The following FGF14 variants were observed in gnomAD, a reference collection of about 807,000 sequenced individuals.
FGF14 encodes the protein fibroblast growth factor homologous factor 4.
In FGF14, 5 loss-of-function variants were observed where a neutral mutation model predicts 25.5. The observed-to-expected ratio is 0.20, with a 90% CI of 0.10 to 0.41. The LOEUF (loss-of-function observed/expected upper bound fraction) is 0.41. Among genes scored for constraint, FGF14 ranks in the 10% least tolerant of loss-of-function variants. The pLI is 1.00. For synonymous variants in FGF14, 138 were observed against 118.3 expected (o/e 1.17, Z -1.08); for missense variants, 222 against 320.1 (o/e 0.69, Z 2.34).
intron 1 of FGF14, among the ~76,000 whole-genome samples, chr13:101,906,831 G>A (rs2032307451): frequency 6.6e-6 from 1 of 152,026 alleles, no homozygotes; most frequent in African/African-American, 2.4e-5. Context: ...CTGTGTAATA[G>A]GTAGGTAAAG....
intron 3 of FGF14, among the ~76,000 whole-genome samples, chr13:101,803,765 T>C (rs1231537706): frequency 1.3e-5 from 2 of 152,134 alleles, no homozygotes; most frequent in African/African-American, 2.4e-5. Flanking sequence ...GCTGCATTTA[T>C]TGAGCCAGCA....
At chr13:102,310,174 G>T (rs1388380391) in intron 1 of FGF14, among the ~76,000 whole-genome samples, 1 of 152,132 alleles carries the variant, frequency 6.6e-6, no homozygotes, top group African/African-American at 2.4e-5. Flanking sequence ...CTTTGGAAAG[G>T]CTTTAATTCT....
intron 3 of FGF14, among the ~76,000 whole-genome samples, chr13:101,764,084 G>T (rs1479387918): frequency 6.6e-6 from 1 of 152,118 alleles, no homozygotes; most frequent in Admixed American, 6.5e-5. Context: ...CTGTCCCCTG[G>T]GGCACAGGGA....
At chr13:101,937,934 T>C (rs527493453) in intron 1 of FGF14, among the ~76,000 whole-genome samples, 1 of 152,280 alleles carries the variant, frequency 6.6e-6, no homozygotes, top group South Asian at 2.1e-4. Context: ...CTGTGGTATT[T>C]TCTTATGACA....
At chr13:102,034,644 C>T (rs1227311933) in intron 1 of FGF14, among the ~76,000 whole-genome samples, 1 of 152,008 alleles carries the variant, frequency 6.6e-6, no homozygotes, top group Non-Finnish European at 1.5e-5. Context: ...CAAAAATATC[C>T]ATGATAAAAA....
intron 1 of FGF14, among the ~76,000 whole-genome samples, chr13:102,059,963 A>C (rs1480852271): frequency 6.6e-6 from 1 of 152,188 alleles, no homozygotes; most frequent in Non-Finnish European, 1.5e-5. Context: ...CCAAGGACTA[A>C]AATCAGTTAA....
At chr13:101,935,098 G>A (rs1475124327) in intron 1 of FGF14, among the ~76,000 whole-genome samples, 1 of 152,130 alleles carries the variant, frequency 6.6e-6, no homozygotes. Context: ...AAGAAAAGTA[G>A]GGCAATTATT....
intron 1 of FGF14, among the ~76,000 whole-genome samples, chr13:102,289,630 GAA>G (rs1251148327): frequency 1.3e-5 from 2 of 152,248 alleles, no homozygotes; most frequent in East Asian, 3.9e-4. Context: ...AGGGTTGTAC[GAA>G]AACCAGTAGG....
At chr13:102,290,160 G>A (rs1160761924) in intron 1 of FGF14, among the ~76,000 whole-genome samples, 2 of 152,122 alleles carry the variant, frequency 1.3e-5, no homozygotes, top group Non-Finnish European at 2.9e-5. Flanking sequence ...CCAAGGTAAT[G>A]GGATTACGAA....
At chr13:102,112,735 CAT>C (rs961821758) in intron 1 of FGF14, among the ~76,000 whole-genome samples, 1 of 152,154 alleles carries the variant, frequency 6.6e-6, no homozygotes, top group Non-Finnish European at 1.5e-5. Flanking sequence ...GATTTTAAAA[CAT>C]GTGCAGCACT....
chr13:102,313,812 C>T (rs2055888831), intron 1 of FGF14, among the ~76,000 whole-genome samples: 1 of 152,176 alleles, frequency 6.6e-6, no homozygotes, highest in African/African-American at 2.4e-5. Context: ...ATGACTTCTT[C>T]AACAGTCCAA....
chr13:102,138,154 C>T (rs969038673), intron 1 of FGF14, among the ~76,000 whole-genome samples: 127 of 145,506 alleles, frequency 8.7e-4, no homozygotes, highest in African/African-American at 3.1e-3. Context: ...TCAGACAAAG[C>T]CTTACCCACT....
chr13:102,157,410 G>T (rs1448807813), intron 1 of FGF14, among the ~76,000 whole-genome samples: 1 of 152,268 alleles, frequency 6.6e-6, no homozygotes, highest in South Asian at 2.1e-4. Context: ...AATGGGGAGA[G>T]AATTCCCTAT....
At chr13:102,317,314 G>A (rs562732207) in intron 1 of FGF14, among the ~76,000 whole-genome samples, 14 of 151,764 alleles carry the variant, frequency 9.2e-5, no homozygotes, top group East Asian at 7.7e-4. Context: ...ATATTCTTTC[G>A]TTATTCCTTT....
At chr13:102,229,216 C>CA (rs1594496564) in intron 1 of FGF14, among the ~76,000 whole-genome samples, 1 of 152,194 alleles carries the variant, frequency 6.6e-6, no homozygotes, top group Non-Finnish European at 1.5e-5. Flanking sequence ...CAAAATCTTA[C>CA]ATGATTACAT....
upstream of FGF14, chr13:102,401,807 G>A (rs577643278): frequency 1.3e-3 from 1,005 of 796,316 alleles, 2 homozygotes; most frequent in Non-Finnish European, 1.8e-3. Context: ...GATCACCACC[G>A]GATTATTACC....
intron 1 of FGF14, among the ~76,000 whole-genome samples, chr13:102,070,020 A>C (rs183130146): frequency 2.6e-5 from 4 of 152,328 alleles, no homozygotes; most frequent in Admixed American, 2.6e-4. Context: ...CCAGAACAAA[A>C]ATGAACAAAT....
intron 3 of FGF14, among the ~76,000 whole-genome samples, chr13:101,799,846 C>T: frequency 6.7e-6 from 1 of 148,962 alleles, no homozygotes; most frequent in East Asian, 2.5e-4. Context: ...GAAAAGGACA[C>T]CGAAAAATAG....
At chr13:101,757,758 C>T (rs2037756558) in intron 3 of FGF14, among the ~76,000 whole-genome samples, 1 of 152,126 alleles carries the variant, frequency 6.6e-6, no homozygotes, top group African/African-American at 2.4e-5. Flanking sequence ...GGATTTTTAT[C>T]AGCGTGTCAA....
Sources: allele counts gnomAD v4.1 joint callset (sites outside exome capture counted in the v4.1 genomes callset), GRCh38; gene constraint gnomAD v4.1.1; transcripts MANE v1.5; gene names NCBI Gene and HGNC (gene_info 2026-07-23, HGNC 2026-07-21).